Variants in VPS13A observed in about 807,000 individuals in gnomAD.
The protein encoded by VPS13A is vacuolar protein sorting 13 homolog A, also known as intermembrane lipid transfer protein VPS13A.
In VPS13A, 264 loss-of-function variants were observed where a neutral mutation model predicts 390.9. The ratio of observed to expected loss-of-function variants is 0.68; its 90% CI spans 0.61 to 0.75. The LOEUF is 0.75. Among genes scored for constraint, VPS13A ranks in the 30% least tolerant of loss-of-function variants. The pLI is 0.00. For synonymous variants in VPS13A, 1,231 were observed against 1,227.1 expected, an observed-to-expected ratio of 1.00 and a Z score of -0.07; for missense variants, 3,409 against 3,733.9, an observed-to-expected ratio of 0.91 and a Z score of 2.27.
chr9:77,345,089 T>C lies in VPS13A; in HGVS notation c.7236T>C (p.Ala2412=), dbSNP rs1831075290. The C allele has an allele frequency of 1.9e-6, 3 of 1,613,164 alleles. No homozygotes were observed. Among genetic ancestry groups the C allele is most frequent in the East Asian group, 2.2e-5 (1 of 44,796 alleles). The change falls in exon 52 of 72, where the codon GCT becomes GCC. Residue 2412 remains alanine (A), a synonymous_variant. Transcript: ENST00000360280. ...ITFLDYHDGA[A]TFLLINHTKN... Reference sequence around the variant, plus strand: ...TTTTAGATTATCATGATGGAGCAGCTACATTCCTCTTAATAAATCACACAA... The same window carrying C: ...TTTTAGATTATCATGATGGAGCAGCCACATTCCTCTTAATAAATCACACAA...
intron 20 of VPS13A, 106 bp downstream of exon 20, chr9:77,247,501 AT>A (rs1824886040): frequency 8.3e-6 from 10 of 1,207,754 alleles, no homozygotes; most frequent in African/African-American, 1.5e-5. Flanking sequence ...TTTTTCCTAG[AT>A]TTGTGGTAGA....
rs752784595 is a variant in VPS13A, at chr9:77,321,525, A to C, written c.5609A>C (p.Asp1870Ala). 6.2e-6 allele frequency: 10 copies of C among 1,613,356 alleles called. No individual in the cohort carries two copies. In the Admixed American group the frequency reaches 8.3e-5, roughly 13 times the overall value. ...FTEAATGSSA[D>A]FVKDLAPFMI... The stretch of plus-strand genomic sequence containing the variant: ...GAAGCTGCCACTGGATCTTCAGCTG[A>C]CTTCGTAAAGGATCTAGCACCATTT... The change falls in exon 44 of 72, where the codon GAC (aspartate) becomes GCC (alanine). Residue 1870 changes from aspartate (D) to alanine (A), a missense_variant. Physicochemically the swap from Asp to Ala is moderately radical, Grantham distance 126. This residue lies in a region of VPS13A where 2,717 missense variants were observed against 2,917.4 expected (regional missense o/e 0.93). Coordinates refer to ENST00000360280, the MANE Select transcript of VPS13A (RefSeq NM_033305.3).
At chr9:77,210,496 G>T in intron 6 of VPS13A, 120 bp from the exon 7 acceptor site, 2 of 909,686 alleles carry the variant, frequency 2.2e-6, no homozygotes, top group South Asian at 2.8e-5. Context: ...CTCCTGCCTT[G>T]GCCTTCCAGA....
At chr9:77,357,024 A>G (rs1393662011) in intron 55 of VPS13A, among the ~76,000 whole-genome samples, 157 bp downstream of exon 55, 1 of 152,138 alleles carries the variant, frequency 6.6e-6, no homozygotes, top group Non-Finnish European at 1.5e-5. Context: ...GTGTTTATCT[A>G]TATTAAGAAA....
chr9:77,370,053 G>T (rs924349910), intron 63 of VPS13A, among the ~76,000 whole-genome samples: 1 of 152,114 alleles, frequency 6.6e-6, no homozygotes, highest in Non-Finnish European at 1.5e-5. Flanking sequence ...AAGGGTCAGC[G>T]TCTAACATTA....
chr9:77,351,183 A>G, intron 52 of VPS13A, 134 bp from the exon 53 acceptor site: 2 of 1,188,526 alleles, frequency 1.7e-6, no homozygotes, highest in Non-Finnish European at 2.4e-6. Flanking sequence ...TAAGGTAAGA[A>G]TTTCAGCCTT....
chr9:77,206,892 C>T (rs1323853030), intron 5 of VPS13A, among the ~76,000 whole-genome samples: 2 of 148,442 alleles, frequency 1.3e-5, no homozygotes, highest in African/African-American at 5.0e-5. Context: ...TAATGTTTTA[C>T]TTGTTGGCAA....
chr9:77,400,549 C>T (rs1039974971), intron 68 of VPS13A, among the ~76,000 whole-genome samples: 8 of 151,748 alleles, frequency 5.3e-5, no homozygotes, highest in East Asian at 1.9e-4. Context: ...TAAAATGGGC[C>T]GGGCGCGGTG....
chr9:77,382,596 C>T, intron 68 of VPS13A: 1 of 1,079,900 alleles, frequency 9.3e-7, no homozygotes, highest in Non-Finnish European at 1.1e-6. Context: ...AGCTTTTATA[C>T]CAGATATATA....
At chr9:77,365,320 T>G in intron 59 of VPS13A, 140 bp from the exon 60 acceptor site, 1 of 643,434 alleles carries the variant, frequency 1.6e-6, no homozygotes, top group South Asian at 1.8e-5. Context: ...GATAGAGATG[T>G]TACTTTCCCT....
chr9:77,208,901 A>G (rs1251342021), intron 5 of VPS13A, among the ~76,000 whole-genome samples: 1 of 152,152 alleles, frequency 6.6e-6, no homozygotes, highest in African/African-American at 2.4e-5. Context: ...TGAGATAGTT[A>G]ATGCTGTTTT....
intron 3 of VPS13A, among the ~76,000 whole-genome samples, chr9:77,202,347 A>G (rs1224131401): frequency 6.6e-6 from 1 of 152,044 alleles, no homozygotes; most frequent in Non-Finnish European, 1.5e-5. Context: ...CATATTTCTG[A>G]TTATTTACAT....
chr9:77,229,022 G>A (rs1237527298), intron 17 of VPS13A, among the ~76,000 whole-genome samples: 1 of 152,068 alleles, frequency 6.6e-6, no homozygotes, highest in African/African-American at 2.4e-5. Context: ...ATGAGATTTG[G>A]GTCGGGACAC....
intron 5 of VPS13A, among the ~76,000 whole-genome samples, chr9:77,206,284 AAAT>A (rs763964169): frequency 4.8e-4 from 73 of 150,860 alleles, no homozygotes; most frequent in Non-Finnish European, 9.0e-4. Flanking sequence ...ATCTTAAGGC[AAAT>A]AATATGTCTA....
intron 67 of VPS13A, among the ~76,000 whole-genome samples, chr9:77,372,903 A>C (rs557325070): frequency 1.7e-4 from 26 of 152,110 alleles, no homozygotes; most frequent in Non-Finnish European, 1.6e-4. Context: ...AAAGAGAATA[A>C]AATACCTAGG....
In VPS13A at chr9:77,357,790, C is replaced by T; in HGVS notation, c.7905C>T (p.Asn2635=). 6.2e-7 allele frequency: 1 copy of T among 1,613,600 alleles called. No homozygotes were observed. The highest frequency in any genetic ancestry group is 8.5e-7 in the Non-Finnish European group (1 of 1,179,768). ...TTCCAGCATTAAAAGTGGAATATAA[C>T]ACATCTGCACATCAATCATCATTTA... The part of the protein sequence containing the change: ...NYLPALKVEY[N]TSAHQSSFRI... The change falls in exon 56 of 72, where the codon AAC becomes AAT. Residue 2635 remains asparagine, a synonymous_variant. Coordinates refer to ENST00000360280, the MANE Select transcript of VPS13A (RefSeq NM_033305.3).
intron 10 of VPS13A, among the ~76,000 whole-genome samples, chr9:77,216,131 C>G (rs1333868544): frequency 6.6e-6 from 1 of 152,098 alleles, no homozygotes; most frequent in African/African-American, 2.4e-5. Context: ...TCTCCAGTGT[C>G]CTCTACTGAT....
intron 54 of VPS13A, among the ~76,000 whole-genome samples, 180 bp downstream of exon 54, chr9:77,353,821 T>C (rs1188979072): frequency 1.3e-5 from 2 of 152,126 alleles, no homozygotes; most frequent in African/African-American, 4.8e-5. Flanking sequence ...AATAAAGATA[T>C]GGCAGAAATC....
In VPS13A at chr9:77,274,320, C is replaced by T. The variant is rs533009515; in HGVS notation, c.2512+956C>T. ...CTGCACACCTGTAGTCCCGGCGACT[C>T]GGGAAGCTGAGGCAGGAGAATCGCC... On this transcript the variant is annotated intron_variant, in intron 24 of 71. Transcript: ENST00000360280. Among the ~76,000 whole-genome samples, 18 of 150,742 alleles carry T rather than the reference C, an allele frequency of 1.2e-4. No individual in the cohort carries two copies. The South Asian group carries it at 1.5e-3, about 12-fold the overall frequency.
Sources: allele counts gnomAD v4.1 joint callset (sites outside exome capture counted in the v4.1 genomes callset), GRCh38; gene constraint gnomAD v4.1.1; regional missense constraint gnomAD v4.1.1; transcripts MANE v1.5; gene names NCBI Gene and HGNC (gene_info 2026-07-23, HGNC 2026-07-21).